CDYL: variants seen among roughly 807,000 people sequenced by gnomAD.
CDYL encodes chromodomain Y like.
Under a neutral mutation model 47.3 loss-of-function variants are expected in CDYL, and 8 were observed. The ratio of observed to expected loss-of-function variants is 0.17; its 90% confidence interval spans 0.10 to 0.31. CDYL has a LOEUF of 0.31. CDYL is among the 10% of genes least tolerant of loss of function. The probability of loss-of-function intolerance (pLI) is 1.00; values close to 1 mark genes in which losing one functional copy is unlikely to be tolerated. For missense variants in CDYL, 471 were observed against 701.4 expected (o/e 0.67, Z 3.71); for synonymous variants, 266 against 265.0 (o/e 1.00, Z -0.04).
chr6:4,792,642 G>A (rs1438076276), intron 1 of CDYL, among the ~76,000 whole-genome samples: 1 of 151,918 alleles, frequency 6.6e-6, no homozygotes, highest in Non-Finnish European at 1.5e-5. Flanking sequence ...CACCATGTTG[G>A]CCAGGCTGGT....
chr6:4,789,429 G>A (rs1758855968), intron 1 of CDYL, among the ~76,000 whole-genome samples: 1 of 152,024 alleles, frequency 6.6e-6, no homozygotes, highest in African/African-American at 2.4e-5. Flanking sequence ...GGCACGGTGG[G>A]CCCTCCGCAC....
At chr6:4,776,132 G>C (rs1468085086), upstream of CDYL, among the ~76,000 whole-genome samples, 1 of 148,872 alleles carries the variant, frequency 6.7e-6, no homozygotes, top group African/African-American at 2.4e-5. Context: ...AGCGGGACTG[G>C]GGAAGTCGGA....
chr6:4,708,126 G>A (rs1757079269), intron 1 of CDYL, among the ~76,000 whole-genome samples: 1 of 148,306 alleles, frequency 6.7e-6, no homozygotes, highest in South Asian at 2.2e-4. Context: ...TCAAAAGAAT[G>A]TTTTCTGTTT....
chr6:4,737,051 G>T (rs1757716086), intron 3 of CDYL, among the ~76,000 whole-genome samples: 1 of 152,138 alleles, frequency 6.6e-6, no homozygotes, highest in South Asian at 2.1e-4. Context: ...TACCTCTGGG[G>T]AGTAGAGATG....
intron 1 of CDYL, among the ~76,000 whole-genome samples, chr6:4,818,546 A>G (rs552743824): frequency 1.7e-4 from 26 of 152,300 alleles, no homozygotes; most frequent in African/African-American, 6.3e-4. Flanking sequence ...AGATGTATTC[A>G]TTAGATGCAT....
At chr6:4,812,720 A>T (rs1456061115) in intron 1 of CDYL, among the ~76,000 whole-genome samples, 2 of 147,272 alleles carry the variant, frequency 1.4e-5, no homozygotes, top group Non-Finnish European at 3.0e-5. Context: ...TCTAGTAGGG[A>T]TTTTTTTTTT....
chr6:4,850,879 A>T (rs1760804260), intron 1 of CDYL, among the ~76,000 whole-genome samples: 1 of 152,220 alleles, frequency 6.6e-6, no homozygotes. Context: ...ATTAGCCAGT[A>T]CAGAATTCTT....
intron 2 of CDYL, among the ~76,000 whole-genome samples, chr6:4,893,607 C>G (rs752544434): frequency 6.6e-6 from 1 of 151,920 alleles, no homozygotes; most frequent in Non-Finnish European, 1.5e-5. Flanking sequence ...GCACAAGAAT[C>G]GCTTGAACCC....
intron 3 of CDYL, among the ~76,000 whole-genome samples, chr6:4,768,687 C>T (rs577350573): frequency 1.9e-4 from 29 of 152,286 alleles, no homozygotes; most frequent in African/African-American, 7.0e-4. Context: ...ACATAATCCT[C>T]ATTTCTTAAG....
chr6:4,898,424 T>C (rs1762349466), intron 2 of CDYL, among the ~76,000 whole-genome samples: 1 of 152,212 alleles, frequency 6.6e-6, no homozygotes, highest in African/African-American at 2.4e-5. Context: ...GATTGACATG[T>C]CCTGTATAGT....
Position 4,937,659 on chromosome 6 carries a change from G to T in CDYL, c.1043G>T (p.Gly348Val). The T allele has an allele frequency of 6.2e-7, 1 of 1,614,046 alleles. No individual in the cohort carries two copies. The highest frequency in any genetic ancestry group is 8.5e-7 in the Non-Finnish European group (1 of 1,179,954). The change falls in exon 4 of 7, where the codon GGA (glycine) becomes GTA (valine). Residue 348 changes from glycine (G) to valine (V), a missense_variant. Gly to Val is a moderately radical substitution (Grantham distance 109). Coordinates refer to ENST00000397588, the MANE Select transcript of CDYL (RefSeq NM_004824.4). The part of the protein sequence containing the change: ...LSAVGSVFCC[G>V]LDFIYFIRRL... ...GCCGTTGGCAGCGTCTTCTGTTGTGGACTTGACTTTATTTATTTTATACGA... is the reference window on the plus strand; with the variant it reads ...GCCGTTGGCAGCGTCTTCTGTTGTGTACTTGACTTTATTTATTTTATACGA...
chr6:4,939,822 T>C (rs562330595), intron 4 of CDYL, among the ~76,000 whole-genome samples: 1 of 152,368 alleles, frequency 6.6e-6, no homozygotes, highest in East Asian at 1.9e-4. Context: ...ATGGTCACTT[T>C]GCATGTTCTC....
At chr6:4,910,516 AT>A (rs2127499844) in intron 2 of CDYL, among the ~76,000 whole-genome samples, 1 of 152,314 alleles carries the variant, frequency 6.6e-6, no homozygotes, top group Admixed American at 6.5e-5. Flanking sequence ...CATGTGACTG[AT>A]TTGTCCTCTG....
At chr6:4,855,386 G>T (rs1288893824) in intron 1 of CDYL, among the ~76,000 whole-genome samples, 1 of 152,154 alleles carries the variant, frequency 6.6e-6, no homozygotes, top group Non-Finnish European at 1.5e-5. Context: ...GAACTCCTGG[G>T]CTCAAGGGAC....
At chr6:4,841,606 A>C (rs1760492688) in intron 1 of CDYL, among the ~76,000 whole-genome samples, 1 of 152,092 alleles carries the variant, frequency 6.6e-6, no homozygotes, top group Admixed American at 6.6e-5. Flanking sequence ...ATTATCGTTC[A>C]GTTCAAAGAA....
At chr6:4,871,408 T>G (rs1192244629) in intron 1 of CDYL, among the ~76,000 whole-genome samples, 2 of 152,222 alleles carry the variant, frequency 1.3e-5, no homozygotes, top group African/African-American at 2.4e-5. Flanking sequence ...TTTTGGATTT[T>G]GGATTTTCAG....
chr6:4,789,266 G>T (rs1758850823), intron 1 of CDYL, among the ~76,000 whole-genome samples: 2 of 152,086 alleles, frequency 1.3e-5, no homozygotes, highest in Admixed American at 1.3e-4. Context: ...AGTAGATACG[G>T]GGTTTCGCCA....
intron 1 of CDYL, among the ~76,000 whole-genome samples, chr6:4,887,396 G>A (rs369158964): frequency 5.1e-4 from 78 of 152,036 alleles, no homozygotes; most frequent in Middle Eastern, 3.4e-3. Context: ...CACTTTATAA[G>A]TTTTACACCT....
At chr6:4,830,155 C>T (rs548140248) in intron 1 of CDYL, among the ~76,000 whole-genome samples, 3 of 152,334 alleles carry the variant, frequency 2.0e-5, no homozygotes, top group African/African-American at 4.8e-5. Context: ...TCAAGGTGTG[C>T]GTAAGCACCA....
Sources: gnomAD v4.1 joint callset for allele counts (sites outside exome capture counted in the v4.1 genomes callset) on GRCh38, gnomAD v4.1.1 for gene constraint, MANE v1.5 for transcripts, NCBI Gene and HGNC (gene_info 2026-07-23, HGNC 2026-07-21) for gene names.